Variants in CORO2A observed in about 807,000 individuals in gnomAD.
CORO2A encodes the protein coronin 2A, also known as coronin-2A.
A neutral mutation model predicts 62.4 loss-of-function variants in CORO2A; 47 were observed. That is an observed-to-expected ratio of 0.75 (90% CI 0.60 to 0.96). The LOEUF (loss-of-function observed/expected upper bound fraction) is 0.96. CORO2A is among the 40% of genes least tolerant of loss of function. The pLI is 0.00. For missense variants in CORO2A, 610 were observed against 684.1 expected (o/e 0.89, Z 1.21); for synonymous variants, 273 against 268.9 (o/e 1.02, Z -0.15).
intron 2 of CORO2A, among the ~76,000 whole-genome samples, chr9:98,142,730 A>G (rs754837627): frequency 3.0e-4 from 46 of 151,478 alleles, no homozygotes; most frequent in Middle Eastern, 3.2e-3. Flanking sequence ...GCCTAGCCCT[A>G]GACAGCTTCT....
chr9:98,157,246 C>T (rs1426835905), intron 2 of CORO2A: 7 of 530,430 alleles, frequency 1.3e-5, no homozygotes, highest in Middle Eastern at 3.3e-4. Context: ...AGAGGTGCTA[C>T]GAGTAGCTAA....
rs1827243960 is a variant in CORO2A, at chr9:98,121,423, T to C, written c.*3351A>G. ...TCAAGAACATAAACAAAAATGTAAT[T>C]TAAAAAACAGATGGTTTAAAAAAAT... On this transcript the variant is annotated 3_prime_UTR_variant, in exon 12 of 12. Transcript: ENST00000375077. The C allele has an allele frequency of 1.3e-5, 1 of 75,034 alleles. No homozygotes were observed. Among genetic ancestry groups the C allele is most frequent in the Non-Finnish European group, 3.5e-5 (1 of 28,620 alleles). 4.6% of individuals were successfully genotyped at this position (75,034 alleles called of 1,614,324 possible).
At chr9:98,170,291 C>G (rs1221285726) in intron 1 of CORO2A, among the ~76,000 whole-genome samples, 1 of 152,098 alleles carries the variant, frequency 6.6e-6, no homozygotes, top group Non-Finnish European at 1.5e-5. Context: ...CTGTGGGTAC[C>G]CAGGGGGAGG....
intron 1 of CORO2A, among the ~76,000 whole-genome samples, chr9:98,169,867 A>AC (rs1257604177): frequency 6.6e-6 from 1 of 151,610 alleles, no homozygotes; most frequent in Non-Finnish European, 1.5e-5. Context: ...CCTTCCTGTC[A>AC]CCCCACCTTC....
intron 2 of CORO2A, among the ~76,000 whole-genome samples, chr9:98,151,541 T>G (rs1827723807): frequency 6.6e-6 from 1 of 152,258 alleles, no homozygotes; most frequent in Non-Finnish European, 1.5e-5. Context: ...ACCTTCCAAA[T>G]ACTCTTATTT....
chr9:98,151,694 GCT>G (rs768279766), intron 2 of CORO2A, among the ~76,000 whole-genome samples: 9 of 151,726 alleles, frequency 5.9e-5, no homozygotes, highest in Non-Finnish European at 1.0e-4. Flanking sequence ...ACGGAATTTT[GCT>G]CTGTCACCCA....
At chr9:98,172,055 C>T (rs868139037) in intron 1 of CORO2A, among the ~76,000 whole-genome samples, 31 of 151,968 alleles carry the variant, frequency 2.0e-4, no homozygotes, top group Non-Finnish European at 4.4e-5. Flanking sequence ...GGTTGCGGAA[C>T]CCCATGAGGA....
At chr9:98,157,391 G>T in intron 2 of CORO2A, 69 bp downstream of exon 2, 2 of 1,469,344 alleles carry the variant, frequency 1.4e-6, no homozygotes, top group Non-Finnish European at 1.9e-6. Context: ...TAGAAACCCA[G>T]GCTCTTTCCA....
chr9:98,133,361 G>A, intron 4 of CORO2A, 144 bp from the exon 5 acceptor site: 1 of 744,700 alleles, frequency 1.3e-6, no homozygotes. Flanking sequence ...CTCAGTGGGA[G>A]GATGATGTGC....
chr9:98,164,788 A>G (rs1827936277), intron 1 of CORO2A, among the ~76,000 whole-genome samples: 1 of 152,150 alleles, frequency 6.6e-6, no homozygotes, highest in Non-Finnish European at 1.5e-5. Context: ...TTCAAAGCAA[A>G]AAGGGTCCTT....
chr9:98,175,308 A>G (rs147818949), intron 1 of CORO2A, among the ~76,000 whole-genome samples: 109 of 152,198 alleles, frequency 7.2e-4, no homozygotes, highest in African/African-American at 2.4e-3. Flanking sequence ...TGCCTGGACG[A>G]TATTTCCCCA....
rs547881628 is a variant in CORO2A at position 98,126,939 on chromosome 9, A to T, written c.1172-116T>A. On this transcript the variant is annotated intron_variant, in intron 10 of 11. Coordinates refer to ENST00000375077, the MANE Select transcript of CORO2A (RefSeq NM_052820.4). ...ACTCAGAGCCATGCAGACCCATGCA[A>T]CATGTGTGGGAAATACAGCTACCTG... 5 of 1,162,876 alleles carry T rather than the reference A, an allele frequency of 4.3e-6. 1 individual carries two copies. In the South Asian group the frequency reaches 5.4e-5, roughly 13 times the overall value. The allele number at this position is 1,162,876 out of a possible 1,614,324, so 72.0% of individuals were successfully genotyped here. A position where few individuals can be genotyped will look rare whatever the true frequency, so the allele number is the denominator to read the frequency against.
At chr9:98,148,845 C>G (rs535632981) in intron 2 of CORO2A, among the ~76,000 whole-genome samples, 2 of 152,104 alleles carry the variant, frequency 1.3e-5, no homozygotes, top group East Asian at 3.9e-4. Context: ...TATGCAACAA[C>G]CCAGCTGAAC....
chr9:98,134,863 C>G lies in CORO2A; in HGVS notation c.411G>C (p.Leu137=). 1 of 1,614,116 alleles carries G rather than the reference C, an allele frequency of 6.2e-7. No homozygotes were observed. The highest frequency in any genetic ancestry group is 8.5e-7 in the Non-Finnish European group (1 of 1,179,998). ...ELVGHARRVG[L]VEWHPTAANI... is the part of the protein sequence containing the mutation. Reference sequence around the variant, plus strand: ...TGGCGGCCGTGGGGTGCCACTCCACCAGGCCTACTCTGCGCGCGTGGCCCA... The same window carrying G: ...TGGCGGCCGTGGGGTGCCACTCCACGAGGCCTACTCTGCGCGCGTGGCCCA... Residue 137 remains leucine (L), a synonymous_variant, in exon 4 of 12, where the codon CTG becomes CTC. Coordinates refer to ENST00000375077, the MANE Select transcript of CORO2A (RefSeq NM_052820.4).
intron 1 of CORO2A, among the ~76,000 whole-genome samples, chr9:98,170,016 C>T (rs1828011853): frequency 6.6e-6 from 1 of 152,198 alleles, no homozygotes; most frequent in Non-Finnish European, 1.5e-5. Context: ...CAAGTTCAAG[C>T]CCTGGACCCC....
intron 1 of CORO2A, among the ~76,000 whole-genome samples, chr9:98,158,218 G>T (rs1424691078): frequency 6.6e-6 from 1 of 152,168 alleles, no homozygotes; most frequent in Non-Finnish European, 1.5e-5. Context: ...GGCCAAGGCA[G>T]GAGGACTGAT....
At chr9:98,191,006 T>G (rs981901392) in intron 1 of CORO2A, among the ~76,000 whole-genome samples, 1 of 152,210 alleles carries the variant, frequency 6.6e-6, no homozygotes, top group Non-Finnish European at 1.5e-5. Flanking sequence ...AGGTTCTGCT[T>G]GAATACCTGT....
At chr9:98,154,556 T>C (rs2118868615) in intron 2 of CORO2A, among the ~76,000 whole-genome samples, 1 of 152,078 alleles carries the variant, frequency 6.6e-6, no homozygotes, top group East Asian at 1.9e-4. Flanking sequence ...CGTAACCCTC[T>C]CCATCCCCCA....
At chr9:98,127,437 C>T (rs767852355) in intron 10 of CORO2A, among the ~76,000 whole-genome samples, 19 of 151,970 alleles carry the variant, frequency 1.3e-4, no homozygotes, top group Non-Finnish European at 2.4e-4. Flanking sequence ...TTGGCAGGAG[C>T]GGGAGAGTGG....
Sources: gnomAD v4.1 joint callset for allele counts (sites outside exome capture counted in the v4.1 genomes callset) on GRCh38, gnomAD v4.1.1 for gene constraint, MANE v1.5 for transcripts, NCBI Gene and HGNC (gene_info 2026-07-23, HGNC 2026-07-21) for gene names.